The following COPS4 variants were observed in gnomAD, a reference collection of about 807,000 sequenced individuals.
COPS4 encodes the protein COP9 signalosome subunit 4.
A neutral mutation model predicts 55.1 loss-of-function variants in COPS4; 8 were observed. The ratio of observed to expected loss-of-function variants is 0.15; its 90% CI spans 0.09 to 0.26. The LOEUF (loss-of-function observed/expected upper bound fraction) is 0.26. Among genes scored for constraint, COPS4 ranks in the 10% least tolerant of loss-of-function variants. The pLI is 1.00. For missense variants in COPS4, 248 were observed against 484.0 expected (o/e 0.51, Z 4.58); for synonymous variants, 185 against 165.7 (o/e 1.12, Z -0.90).
chr4:83,057,875 T>G (rs1731054271), intron 6 of COPS4, among the ~76,000 whole-genome samples: 1 of 134,032 alleles, frequency 7.5e-6, no homozygotes, highest in South Asian at 2.3e-4. Flanking sequence ...TGAGCCGAGA[T>G]CAGGCCACTG....
rs571349075 is a variant in COPS4, at chr4:83,054,420, C to A, written c.411-2506C>A. 2.0e-5 allele frequency among the ~76,000 whole-genome samples: 3 copies of A among 152,266 alleles called. No homozygotes were observed. In the South Asian group the frequency reaches 6.2e-4, roughly 32 times the overall value. ...TCGTTTGCCAGGTGAACGGGGGATT[C>A]TTTTTTTGTTCTTCATTAATATTTG... On this transcript the variant is annotated intron_variant, in intron 4 of 9. Transcript: ENST00000264389.
At chr4:83,040,745 A>C (rs1730543031) in intron 1 of COPS4, among the ~76,000 whole-genome samples, 1 of 128,066 alleles carries the variant, frequency 7.8e-6, no homozygotes, top group African/African-American at 2.9e-5. Context: ...CATTTCTTTC[A>C]GCTTTTTATG....
Position 83,057,010 on chromosome 4 carries a change from G to A in COPS4, c.495G>A (p.Glu165=), listed in dbSNP as rs761051989. The A allele has an allele frequency of 1.2e-6, 2 of 1,613,908 alleles. No homozygotes were observed. Among genetic ancestry groups the A allele is most frequent in the African/African-American group, 1.3e-5 (1 of 75,024 alleles). The part of the protein sequence containing the change: ...YLEDDDPVQA[E]AYINRASLLQ... ...AGGATGATGATCCAGTCCAGGCAGA[G>A]GCTTACATAAATCGAGCATCGTTGC... The change falls in exon 5 of 10, where the codon GAG becomes GAA. Residue 165 remains glutamate, a synonymous_variant. Transcript: ENST00000264389.
intron 1 of COPS4, among the ~76,000 whole-genome samples, chr4:83,044,541 G>C (rs1335632198): frequency 6.6e-6 from 1 of 151,740 alleles, no homozygotes; most frequent in African/African-American, 2.4e-5. Context: ...ACTTTGGGAG[G>C]CTGAGGTGGG....
At chr4:83,055,149 T>C (rs1480870540) in intron 4 of COPS4, among the ~76,000 whole-genome samples, 2 of 152,268 alleles carry the variant, frequency 1.3e-5, no homozygotes, top group Admixed American at 6.5e-5. Flanking sequence ...TGCCACATGG[T>C]GGCACCACTT....
chr4:83,049,258 G>A lies in COPS4; in HGVS notation c.247G>A (p.Glu83Lys). 3 of 1,611,892 alleles carry A rather than the reference G, an allele frequency of 1.9e-6. No homozygotes were observed. Among genetic ancestry groups the A allele is most frequent in the Non-Finnish European group, 1.7e-6 (2 of 1,179,324 alleles). ...LPNLPDSTAK[E>K]IYHFTLEKIQ... Reference sequence around the variant, plus strand: ...TAACTTGCCTGATAGCACAGCCAAAGAAATCTATCACTTCACCTTGGAAAA... The same window carrying A: ...TAACTTGCCTGATAGCACAGCCAAAAAAATCTATCACTTCACCTTGGAAAA... The change falls in exon 3 of 10, where the codon GAA becomes AAA. Residue 83 changes from glutamate (E) to lysine (K), a missense_variant. By Grantham distance (56) the Glu-to-Lys change is moderately conservative. This residue lies in a region of COPS4 where 155 missense variants were observed against 326.6 expected (regional missense o/e 0.47). Coordinates refer to ENST00000264389, the MANE Select transcript of COPS4 (RefSeq NM_016129.3).
At chr4:83,043,513 T>C in intron 1 of COPS4, among the ~76,000 whole-genome samples, 1 of 102,228 alleles carries the variant, frequency 9.8e-6, no homozygotes, top group African/African-American at 4.4e-5. Flanking sequence ...AGTGAGACCC[T>C]GTCTCAAAAA....
chr4:83,065,564 T>A (rs527821017), intron 7 of COPS4, among the ~76,000 whole-genome samples: 36 of 152,222 alleles, frequency 2.4e-4, no homozygotes, highest in Non-Finnish European at 3.7e-4. Flanking sequence ...AGTAGTTAAA[T>A]GTTCAGCAGA....
chr4:83,051,554 CAAGAT>C (rs745595194), intron 4 of COPS4, among the ~76,000 whole-genome samples: 2 of 152,032 alleles, frequency 1.3e-5, no homozygotes, highest in Non-Finnish European at 2.9e-5. Context: ...AAAAAAGAGT[CAAGAT>C]AAGCCCTGAT....
chr4:83,070,208 A>G (rs1454338498), intron 9 of COPS4, among the ~76,000 whole-genome samples: 2 of 152,194 alleles, frequency 1.3e-5, no homozygotes, highest in Non-Finnish European at 2.9e-5. Context: ...AAGTTTAAAT[A>G]CTAGTTACTT....
chr4:83,063,943 G>GC (rs1338064205), intron 7 of COPS4, among the ~76,000 whole-genome samples: 9 of 152,018 alleles, frequency 5.9e-5, no homozygotes, highest in Admixed American at 5.9e-4. Flanking sequence ...CAGGTGATTC[G>GC]CCCCCCTCAG....
At chr4:83,058,670 T>C (rs1258284382) in intron 6 of COPS4, among the ~76,000 whole-genome samples, 1 of 152,240 alleles carries the variant, frequency 6.6e-6, no homozygotes, top group East Asian at 1.9e-4. Flanking sequence ...TACACACTTT[T>C]GCAACTTACC....
intron 2 of COPS4, among the ~76,000 whole-genome samples, chr4:83,046,243 ATAT>A (rs1464799078): frequency 6.6e-6 from 1 of 152,154 alleles, no homozygotes; most frequent in East Asian, 1.9e-4. Flanking sequence ...ATGCCATCTA[ATAT>A]TAGTCAGAAT....
intron 7 of COPS4, among the ~76,000 whole-genome samples, chr4:83,065,447 G>A (rs574002261): frequency 3.3e-5 from 5 of 152,298 alleles, no homozygotes; most frequent in South Asian, 2.1e-4. Flanking sequence ...CTAGCAGATC[G>A]TGGGTGGAAT....
At chr4:83,040,022 C>T (rs1293106706) in intron 1 of COPS4, among the ~76,000 whole-genome samples, 4 of 152,186 alleles carry the variant, frequency 2.6e-5, no homozygotes, top group Non-Finnish European at 4.4e-5. Flanking sequence ...TGACTATAAC[C>T]TCTAGGCCTC....
At chr4:83,074,369 C>G (rs926714590) in intron 9 of COPS4, among the ~76,000 whole-genome samples, 1 of 151,166 alleles carries the variant, frequency 6.6e-6, no homozygotes, top group African/African-American at 2.4e-5. Flanking sequence ...AATTTGGGTA[C>G]TTTTGAAATG....
At chr4:83,058,754 A>G (rs1276537499) in intron 6 of COPS4, among the ~76,000 whole-genome samples, 8 of 152,164 alleles carry the variant, frequency 5.3e-5, no homozygotes, top group African/African-American at 1.4e-4. Context: ...TTGGTTTTCT[A>G]TTGTCTGGCT....
intron 9 of COPS4, among the ~76,000 whole-genome samples, chr4:83,072,810 TAAAC>T (rs1256873097): frequency 6.6e-6 from 1 of 152,234 alleles, no homozygotes; most frequent in South Asian, 2.1e-4. Context: ...AATATGGTAA[TAAAC>T]AAATTTATAA....
At chr4:83,036,442 C>A (rs1222619096) in intron 1 of COPS4, among the ~76,000 whole-genome samples, 3 of 152,166 alleles carry the variant, frequency 2.0e-5, no homozygotes, top group African/African-American at 4.8e-5. Context: ...TGCCTTTTCT[C>A]TGGTGGCAAA....
Sources: gnomAD v4.1 joint callset for allele counts (sites outside exome capture counted in the v4.1 genomes callset) on GRCh38, gnomAD v4.1.1 for gene constraint, gnomAD v4.1.1 regional missense constraint, MANE v1.5 for transcripts, NCBI Gene and HGNC (gene_info 2026-07-23, HGNC 2026-07-21) for gene names.